Variants in RUBCN observed in about 807,000 individuals in gnomAD.
The protein encoded by RUBCN is run domain Beclin-1-interacting and cysteine-rich domain-containing protein.
Under a neutral mutation model 113.2 loss-of-function variants are expected in RUBCN, and 74 were observed. That is an observed-to-expected ratio of 0.65 (90% CI 0.54 to 0.79). RUBCN has a LOEUF of 0.79. Among genes scored for constraint, RUBCN ranks in the 30% least tolerant of loss-of-function variants. RUBCN has a pLI of 0.00. For missense variants in RUBCN, 1,109 were observed against 1,251.7 expected (o/e 0.89, Z 1.72); for synonymous variants, 480 against 490.0 (o/e 0.98, Z 0.27).
In RUBCN at chr3:197,681,461, G is replaced by A; in HGVS notation, c.2192-94C>T. On this transcript the variant is annotated intron_variant, in intron 15 of 19. Transcript: ENST00000296343. The surrounding 1 kb of genome is among the most constrained non-coding windows in gnomAD (Gnocchi z 5.5). ...CTTTTCCCTTGAAAGGGCAGAGAGGGACAGCCAATGGCCTCCAGCAACCTC... is the reference window on the plus strand; with the variant it reads ...CTTTTCCCTTGAAAGGGCAGAGAGGAACAGCCAATGGCCTCCAGCAACCTC... 6.4e-6 allele frequency: 6 copies of A among 933,258 alleles called. No individual in the cohort carries two copies. Among genetic ancestry groups the A allele is most frequent in the South Asian group, 1.3e-5 (1 of 74,352 alleles). 57.8% of individuals were successfully genotyped at this position (933,258 alleles called of 1,614,324 possible).
intron 4 of RUBCN, among the ~76,000 whole-genome samples, chr3:197,704,089 AG>A (rs1433689400): frequency 2.0e-5 from 3 of 152,140 alleles, no homozygotes; most frequent in African/African-American, 7.2e-5. Flanking sequence ...GGGAGGTGAG[AG>A]GTAAGTCTGG....
chr3:197,710,824 CT>C (rs1280361319), intron 2 of RUBCN, among the ~76,000 whole-genome samples: 99 of 146,006 alleles, frequency 6.8e-4, no homozygotes, highest in Admixed American at 8.9e-4. Flanking sequence ...TAATCTTTTA[CT>C]TTTTTTTTTT....
chr3:197,736,917 C>T (rs899627286), upstream of RUBCN: 4 of 1,356,692 alleles, frequency 2.9e-6, no homozygotes, highest in South Asian at 3.5e-5. Flanking sequence ...CCACTTCCGG[C>T]TCCGGGGACT....
At chr3:197,702,360 C>T (rs1201266046) in intron 5 of RUBCN, among the ~76,000 whole-genome samples, 1 of 152,196 alleles carries the variant, frequency 6.6e-6, no homozygotes, top group African/African-American at 2.4e-5. Context: ...TAGTAACCAA[C>T]AATCAAAATT....
intron 16 of RUBCN, among the ~76,000 whole-genome samples, chr3:197,680,384 G>A (rs549289083): frequency 2.4e-3 from 349 of 144,254 alleles, no homozygotes; most frequent in Non-Finnish European, 4.0e-3. Context: ...AGACTGTCCT[G>A]TGCTCTAACT....
intron 14 of RUBCN, 27 bp downstream of exon 14, chr3:197,682,443 C>T (rs775314927): frequency 3.7e-6 from 6 of 1,613,456 alleles, no homozygotes; most frequent in Non-Finnish European, 5.1e-6. Flanking sequence ...ATCTGTGCTC[C>T]AAAGGGCACA....
intron 7 of RUBCN, among the ~76,000 whole-genome samples, chr3:197,697,887 C>CA (rs140539702): frequency 0.012 from 1,897 of 152,282 alleles, 48 homozygotes; most frequent in African/African-American, 0.044. Flanking sequence ...GCTCCTCTCA[C>CA]AAAAAATGCT....
rs765997220 is a variant in RUBCN at position 197,694,543 on chromosome 3, T to C, written c.1516A>G (p.Ile506Val). Residue 506 changes from isoleucine to valine, a missense_variant, in exon 10 of 20, where the codon ATC becomes GTC. Around this residue, in one of 3 missense-constraint regions of RUBCN, gnomAD observed 736 missense variants for 779.6 expected, o/e 0.94. Transcript: ENST00000296343. ...FSISESLIAA[I>V]ELMKCNMMSQ... Reference sequence around the variant, plus strand: ...ATCATGTTGCACTTCATTAGCTCGATGGCAGCAATTAAGGACTCTGAGATG... The same window carrying C: ...ATCATGTTGCACTTCATTAGCTCGACGGCAGCAATTAAGGACTCTGAGATG... The C allele has an allele frequency of 6.2e-7, 1 of 1,614,226 alleles. No homozygotes were observed. The highest frequency in any genetic ancestry group is 1.1e-5 in the South Asian group (1 of 91,084).
At chr3:197,730,975 T>A (rs1580382026) in intron 1 of RUBCN, among the ~76,000 whole-genome samples, 1 of 150,312 alleles carries the variant, frequency 6.7e-6, no homozygotes, top group East Asian at 2.0e-4. Context: ...GGCATTATTA[T>A]GTGTTAACTA....
At chr3:197,721,409 C>G (rs1232737866) in intron 1 of RUBCN, among the ~76,000 whole-genome samples, 2 of 152,194 alleles carry the variant, frequency 1.3e-5, no homozygotes, top group African/African-American at 4.8e-5. Flanking sequence ...TTACCCATAA[C>G]AGCCTCTAGT....
intron 12 of RUBCN, 134 bp downstream of exon 12, chr3:197,684,023 G>T: frequency 1.4e-6 from 1 of 705,510 alleles, no homozygotes; most frequent in Non-Finnish European, 2.5e-6. Context: ...GGCACCATCA[G>T]CAAGCCCCTC....
In RUBCN at chr3:197,681,159, A is replaced by G. The variant is rs1451055371; in HGVS notation, c.2400T>C (p.Tyr800=). ...FNVQDINSAL[Y]RKVKLLNQVR... The stretch of plus-strand genomic sequence containing the variant: ...CTTGATTGAGCAGCTTGACCTTCCT[A>G]TAGAGGGCACTGTTTATGTCCTGCA... The change falls in exon 16 of 20, where the codon TAT becomes TAC. Residue 800 remains tyrosine (Y), a synonymous_variant. Transcript: ENST00000296343. This position sits in a 1 kb window ranked among gnomAD's most constrained non-coding sequence, Gnocchi z 5.5. The G allele has an allele frequency of 6.2e-7, 1 of 1,613,802 alleles. No homozygotes were observed. The highest frequency in any genetic ancestry group is 8.5e-7 in the Non-Finnish European group (1 of 1,179,794).
rs2108816769 is a variant in RUBCN, at chr3:197,671,504, C to T, written c.*3514G>A. 6.6e-6 allele frequency: 1 copy of T among 152,304 alleles called. No individual in the cohort carries two copies. Among genetic ancestry groups the T allele is most frequent in the South Asian group, 2.1e-4 (1 of 4,824 alleles). 9.4% of individuals were successfully genotyped at this position (152,304 alleles called of 1,614,324 possible). On this transcript the variant is annotated 3_prime_UTR_variant, in exon 20 of 20. Coordinates refer to ENST00000296343, the MANE Select transcript of RUBCN (RefSeq NM_014687.4). ...ACGATGCGTGATGAGCTCAGTGTGC[C>T]ACTTACAGAGGAAGTTGAAGACAAT...
chr3:197,691,329 TC>T, intron 11 of RUBCN, among the ~76,000 whole-genome samples: 1 of 152,254 alleles, frequency 6.6e-6, no homozygotes, highest in South Asian at 2.1e-4. Context: ...TACTGCTACT[TC>T]CTACGCCAAG....
chr3:197,674,861 C>CTCCTTGTGT lies in RUBCN; in HGVS notation c.*156_*157insACACAAGGA. 1 of 603,782 alleles carries CTCCTTGTGT rather than the reference C, an allele frequency of 1.7e-6. No individual in the cohort carries two copies. Among genetic ancestry groups the CTCCTTGTGT allele is most frequent in the Non-Finnish European group, 2.6e-6 (1 of 379,516 alleles). The allele number at this position is 603,782 out of a possible 1,614,324, so 37.4% of individuals were successfully genotyped here. ...CAACCTGCCGACGGCTGACTGCACA[C>CTCCTTGTGT]AGACGTCAGACAAGTCAGTAAAAAA... On this transcript the variant is annotated 3_prime_UTR_variant, in exon 20 of 20. Coordinates refer to ENST00000296343, the MANE Select transcript of RUBCN (RefSeq NM_014687.4).
upstream of RUBCN, among the ~76,000 whole-genome samples, chr3:197,739,922 C>G (rs976512098): frequency 3.3e-5 from 5 of 152,110 alleles, no homozygotes; most frequent in African/African-American, 1.2e-4. Context: ...CGCCTGTAAT[C>G]CCAGCTACTT....
At chr3:197,712,781 ATAC>A (rs1454260722) in intron 2 of RUBCN, among the ~76,000 whole-genome samples, 1 of 152,238 alleles carries the variant, frequency 6.6e-6, no homozygotes, top group East Asian at 1.9e-4. Flanking sequence ...AAAATTAAAA[ATAC>A]TACTGCTATT....
Position 197,694,392 on chromosome 3 carries a change from T to C in RUBCN, c.1667A>G (p.Gln556Arg), listed in dbSNP as rs985493241. 1 of 1,614,130 alleles carries C rather than the reference T, an allele frequency of 6.2e-7. No individual in the cohort carries two copies. The highest frequency in any genetic ancestry group is 1.3e-5 in the African/African-American group (1 of 74,938). The change falls in exon 10 of 20, where the codon CAG (glutamine) becomes CGG (arginine). Residue 556 changes from glutamine to arginine, a missense_variant. Physicochemically the swap from Gln to Arg is conservative, Grantham distance 43. Transcript: ENST00000296343. ...CCACTGACTTCCGTGCTCAGCCTCC[T>C]GGTACATGGGGAGCAGGTTCTTGGT... is the stretch of plus-strand genomic sequence containing the variant. ...IRTKNLLPMY[Q>R]EAEHGSFRVT... is the part of the protein sequence containing the mutation.
chr3:197,699,357 G>T, intron 7 of RUBCN: 1 of 657,680 alleles, frequency 1.5e-6, no homozygotes, highest in Non-Finnish European at 2.7e-6. Flanking sequence ...GGAAACCCCA[G>T]TTGTGAAGGA....
Sources: gnomAD v4.1 joint callset for allele counts (sites outside exome capture counted in the v4.1 genomes callset) on GRCh38, gnomAD v4.1.1 for gene constraint, gnomAD v4.1.1 regional missense constraint, Gnocchi (gnomAD v3.1) non-coding constraint, MANE v1.5 for transcripts, NCBI Gene and HGNC (gene_info 2026-07-23, HGNC 2026-07-21) for gene names.